The following NOX3 variants were observed in gnomAD, a reference collection of about 807,000 sequenced individuals.
NOX3 encodes NADPH oxidase 3, also known as NADPH oxidase catalytic subunit-like 3.
Under a neutral mutation model 76.7 loss-of-function variants are expected in NOX3, and 74 were observed. The observed-to-expected ratio is 0.96, with a 90% confidence interval of 0.80 to 1.17. The LOEUF is 1.17. Among genes scored for constraint, NOX3 ranks in the 50% most tolerant of loss-of-function variants. The probability of loss-of-function intolerance (pLI) is 0.00; values close to 1 mark genes in which losing one functional copy is unlikely to be tolerated. For missense variants in NOX3, 695 were observed against 703.3 expected (o/e 0.99, Z 0.13); for synonymous variants, 263 against 261.1 (o/e 1.01, Z -0.07).
At chr6:155,396,315 A>T (rs2114670505) in intron 13 of NOX3, among the ~76,000 whole-genome samples, 1 of 152,344 alleles carries the variant, frequency 6.6e-6, no homozygotes, top group South Asian at 2.1e-4. Context: ...AGCAGAAAAG[A>T]TCAGGTTTGG....
At position 155,443,632 on chromosome 6, in the gene NOX3, G is replaced by A. The variant is rs142226461; in HGVS notation, c.341-214C>T. On this transcript the variant is annotated intron_variant, in intron 4 of 13. Transcript: ENST00000159060. ...TACAAAAATCTCCACATTTATTTAA[G>A]TTATATTAATAAATAAAGTAAATCT... is the stretch of plus-strand genomic sequence containing the variant. Among the ~76,000 whole-genome samples, 933 of 152,208 alleles carry A rather than the reference G, an allele frequency of 6.1e-3. 4 individuals carry two copies. The highest frequency in any genetic ancestry group is 9.8e-3 in the Admixed American group (150 of 15,294).
chr6:155,418,233 A>G (rs543447444), intron 10 of NOX3, among the ~76,000 whole-genome samples: 1 of 152,032 alleles, frequency 6.6e-6, no homozygotes, highest in Admixed American at 6.6e-5. Context: ...ATTTTTTTTC[A>G]AGAGCTCTTT....
At chr6:155,455,708 A>G in intron 1 of NOX3, 45 bp downstream of exon 1, 1 of 1,473,260 alleles carries the variant, frequency 6.8e-7, no homozygotes. Context: ...ATCAAAGACT[A>G]TTCAATCTAT....
rs35328292 is a variant in NOX3, at chr6:155,428,586, C to CTT, written c.1145+206_1145+207dup. Among the ~76,000 whole-genome samples the CTT allele has an allele frequency of 2.4e-3, 336 of 138,440 alleles. 1 individual carries two copies. Among genetic ancestry groups the CTT allele is most frequent in the East Asian group, 9.0e-3 (41 of 4,544 alleles). The allele number at this position is 138,440 out of a possible 152,430, so 90.8% of individuals were successfully genotyped here. A position where few individuals can be genotyped will look rare whatever the true frequency, so the allele number is the denominator to read the frequency against. On this transcript the variant is annotated intron_variant, in intron 9 of 13. Transcript: ENST00000159060. ...CTTGGCTGAACATTAGTCTTTTTTT[C>CTT]TTTTTTTTTTTTTTTTTTTACAGGA...
chr6:155,403,004 G>A (rs1427030266), intron 12 of NOX3, among the ~76,000 whole-genome samples: 3 of 152,130 alleles, frequency 2.0e-5, no homozygotes, highest in African/African-American at 7.2e-5. Context: ...GACATAATAA[G>A]GGGAAAACAT....
At chr6:155,410,775 A>G (rs1048943394) in intron 11 of NOX3, among the ~76,000 whole-genome samples, 3 of 152,242 alleles carry the variant, frequency 2.0e-5, no homozygotes, top group Non-Finnish European at 2.9e-5. Flanking sequence ...AGATGCTCAC[A>G]TACTTCACAA....
intron 6 of NOX3, 109 bp downstream of exon 6, chr6:155,439,847 C>A (rs189032172): frequency 3.6e-5 from 32 of 878,796 alleles, no homozygotes; most frequent in African/African-American, 3.6e-4. Flanking sequence ...ACACATTATA[C>A]GAGTCCTGTA....
chr6:155,402,460 A>G (rs1779244027), intron 12 of NOX3, among the ~76,000 whole-genome samples: 1 of 152,228 alleles, frequency 6.6e-6, no homozygotes, highest in South Asian at 2.1e-4. Context: ...ATTAATTACA[A>G]ACAAAAACAA....
intron 12 of NOX3, among the ~76,000 whole-genome samples, chr6:155,401,697 C>G (rs1779228907): frequency 6.6e-6 from 1 of 150,874 alleles, no homozygotes; most frequent in South Asian, 2.1e-4. Context: ...CACCTTTCTT[C>G]ATCGTTAGGT....
intron 5 of NOX3, among the ~76,000 whole-genome samples, chr6:155,441,556 C>T (rs1362748946): frequency 6.6e-6 from 1 of 152,142 alleles, no homozygotes; most frequent in Non-Finnish European, 1.5e-5. Flanking sequence ...TAAAAATGCT[C>T]TATAATGTAC....
chr6:155,436,532 G>A lies in NOX3; in HGVS notation c.684C>T (p.Gly228=), dbSNP rs756137259. The A allele has an allele frequency of 4.4e-5, 71 of 1,612,148 alleles. No individual in the cohort carries two copies. The highest frequency in any genetic ancestry group is 5.8e-5 in the Non-Finnish European group (69 of 1,179,628). Residue 228 remains glycine (G), a synonymous_variant, in exon 7 of 14, where the codon GGC becomes GGT. Coordinates refer to ENST00000159060, the MANE Select transcript of NOX3 (RefSeq NM_015718.3). ...GCAGAGAGAGACTGTCTTGGGTTTG[G>A]CCTCGAACAATCCGACTTGTTATTT... ...AIHGTGRIVR[G]QTQDSLSLHN... is the part of the protein sequence containing the mutation.
intron 4 of NOX3, among the ~76,000 whole-genome samples, chr6:155,445,157 C>T (rs919570249): frequency 2.5e-4 from 38 of 152,214 alleles, no homozygotes; most frequent in African/African-American, 8.9e-4. Flanking sequence ...GCAAATGAAA[C>T]TCCCGCTGGG....
intron 12 of NOX3, among the ~76,000 whole-genome samples, chr6:155,399,313 C>T (rs1246096065): frequency 1.3e-5 from 2 of 152,096 alleles, no homozygotes; most frequent in African/African-American, 4.8e-5. Flanking sequence ...CTGATGGTGC[C>T]CTTTGATGCT....
chr6:155,407,074 C>A, intron 12 of NOX3, 56 bp downstream of exon 12: 1 of 1,604,296 alleles, frequency 6.2e-7, no homozygotes, highest in South Asian at 1.1e-5. Context: ...CTCCAGCAGC[C>A]CTTGCATTTC....
rs200641391 is a variant in NOX3, at chr6:155,455,088, C to T, written c.90G>A (p.Thr30=). The T allele has an allele frequency of 1.2e-4, 200 of 1,613,170 alleles. No homozygotes were observed. In the East Asian group the frequency reaches 1.5e-3, roughly 12 times the overall value. ...ACTCCTCCTCTTCATACCAGTAGAA[C>T]GTGTCAATAAACAGATAAAAATTTA... ...LGINFYLFID[T]FYWYEEEESF... The change falls in exon 2 of 14, where the codon ACG becomes ACA. Residue 30 remains threonine, a synonymous_variant. Transcript: ENST00000159060.
At chr6:155,441,059 G>A (rs564405741) in intron 5 of NOX3, among the ~76,000 whole-genome samples, 21 of 152,254 alleles carry the variant, frequency 1.4e-4, no homozygotes, top group South Asian at 1.2e-3. Flanking sequence ...ACGGCTAAAC[G>A]GCCAGAATTC....
chr6:155,417,033 G>A (rs1275875773), intron 10 of NOX3, among the ~76,000 whole-genome samples: 2 of 151,940 alleles, frequency 1.3e-5, no homozygotes, highest in African/African-American at 2.4e-5. Flanking sequence ...TTGCAGGTGT[G>A]AGCCACCACA....
intron 13 of NOX3, among the ~76,000 whole-genome samples, chr6:155,396,528 T>C (rs547895835): frequency 6.6e-6 from 1 of 152,220 alleles, no homozygotes; most frequent in Non-Finnish European, 1.5e-5. Context: ...AGTGTGTGGA[T>C]GGTCGATGTG....
intron 8 of NOX3, among the ~76,000 whole-genome samples, chr6:155,429,964 T>G (rs1327637944): frequency 1.3e-5 from 2 of 152,228 alleles, no homozygotes; most frequent in Non-Finnish European, 2.9e-5. Context: ...AGTCTAGCTT[T>G]TGATACAGCC....
Sources: gnomAD v4.1 joint callset for allele counts (sites outside exome capture counted in the v4.1 genomes callset) on GRCh38, gnomAD v4.1.1 for gene constraint, MANE v1.5 for transcripts, NCBI Gene and HGNC (gene_info 2026-07-23, HGNC 2026-07-21) for gene names.